FAM227A: variants seen among roughly 807,000 people sequenced by gnomAD.
FAM227A encodes protein FAM227A.
A neutral mutation model predicts 74.7 loss-of-function variants in FAM227A; 80 were observed. The observed-to-expected ratio is 1.07, with a 90% confidence interval of 0.89 to 1.29. The LOEUF is 1.29. Among genes scored for constraint, FAM227A ranks in the 50% most tolerant of loss-of-function variants. The probability of loss-of-function intolerance (pLI) is 0.00; values close to 1 mark genes in which losing one functional copy is unlikely to be tolerated. For synonymous variants in FAM227A, 237 were observed against 241.8 expected (o/e 0.98, Z 0.19); for missense variants, 654 against 683.4 (o/e 0.96, Z 0.48).
intron 6 of FAM227A, among the ~76,000 whole-genome samples, chr22:38,635,376 T>C (rs2091984580): frequency 6.6e-6 from 1 of 151,894 alleles, no homozygotes; most frequent in Admixed American, 6.6e-5. Context: ...GTGGGGTGAC[T>C]GGTTAGGAGC....
intron 2 of FAM227A, 71 bp from the exon 3 acceptor site, chr22:38,645,716 G>A: frequency 2.2e-6 from 2 of 918,812 alleles, no homozygotes; most frequent in Non-Finnish European, 3.4e-6. Context: ...CTTGTCTGGT[G>A]AGAAGGGCAG....
At chr22:38,636,412 G>C in intron 6 of FAM227A, 39 bp downstream of exon 6, 1 of 1,544,394 alleles carries the variant, frequency 6.5e-7, no homozygotes, top group South Asian at 1.2e-5. Context: ...TTTGCCCCAT[G>C]GGTTGGCAAA....
rs2090767173 is a variant in FAM227A at position 38,584,584 on chromosome 22, G to A, written c.*1541C>T. 1 of 152,188 alleles carries A rather than the reference G, an allele frequency of 6.6e-6. No homozygotes were observed. Among genetic ancestry groups the A allele is most frequent in the Non-Finnish European group, 1.5e-5 (1 of 68,114 alleles). The allele number at this position is 152,188 out of a possible 1,614,324, so 9.4% of individuals were successfully genotyped here. A position where few individuals can be genotyped will look rare whatever the true frequency, so the allele number is the denominator to read the frequency against. On this transcript the variant is annotated 3_prime_UTR_variant, in exon 17 of 17. Coordinates refer to ENST00000535113, the MANE Select transcript of FAM227A (RefSeq NM_001013647.2). ...GTTCGAGACCAGCCTGGGCAACACA[G>A]TGAGATCCCATCTCTACAAAAAAAT...
At chr22:38,630,705 C>CA (rs1021804025) in intron 6 of FAM227A, among the ~76,000 whole-genome samples, 11 of 152,296 alleles carry the variant, frequency 7.2e-5, no homozygotes, top group African/African-American at 2.4e-4. Context: ...TGAGCACCTC[C>CA]AGGTGCTCAA....
chr22:38,604,332 C>A (rs911372181), intron 13 of FAM227A, among the ~76,000 whole-genome samples: 4 of 151,994 alleles, frequency 2.6e-5, no homozygotes, highest in African/African-American at 9.7e-5. Context: ...CTCAAAAAAA[C>A]AAAAACAAAA....
chr22:38,645,008 G>C (rs924076823), intron 3 of FAM227A, among the ~76,000 whole-genome samples: 2 of 151,730 alleles, frequency 1.3e-5, no homozygotes, highest in Admixed American at 1.3e-4. Context: ...AAAATCACTT[G>C]AAAGGGAGGC....
intron 2 of FAM227A, 34 bp downstream of exon 2, chr22:38,649,993 G>T: frequency 1.3e-6 from 2 of 1,548,330 alleles, no homozygotes; most frequent in South Asian, 1.2e-5. Flanking sequence ...AGGTGTATTT[G>T]GTCTGATTGT....
rs1362396393 is a variant in FAM227A at position 38,605,270 on chromosome 22, T to G, written c.1205A>C (p.Asn402Thr). 2 of 1,547,012 alleles carry G rather than the reference T, an allele frequency of 1.3e-6. No individual in the cohort carries two copies. Among genetic ancestry groups the G allele is most frequent in the African/African-American group, 1.4e-5 (1 of 72,952 alleles). The change falls in exon 13 of 17, where the codon AAT becomes ACT. Residue 402 changes from asparagine to threonine, a missense_variant. Coordinates refer to ENST00000535113, the MANE Select transcript of FAM227A (RefSeq NM_001013647.2). ...KRISEARECE[N>T]MFPKKSCAAC... is the part of the protein sequence containing the mutation. ...TGTGCTCACCTTTTTAGGAAACATA[T>G]TCTCACATTCTCTTGCTTCTGATAT...
chr22:38,620,785 G>C (rs947075807), intron 10 of FAM227A, among the ~76,000 whole-genome samples: 7 of 151,804 alleles, frequency 4.6e-5, no homozygotes, highest in Non-Finnish European at 5.9e-5. Flanking sequence ...CTCCAGCCTG[G>C]GTGACATAAT....
At position 38,599,929 on chromosome 22, in the gene FAM227A, T is replaced by TGAAAGAAAAAG; in HGVS notation, c.1222-19_1222-9dup. ...TTTGCAGGCAGCACACGACTAAGGA[T>TGAAAGAAAAAG]GAAAGAAAAAGGAAAAATAAAGGAT... On this transcript the variant is annotated splice_polypyrimidine_tract_variant and intron_variant, in intron 13 of 16. Transcript: ENST00000535113. 6.5e-7 allele frequency: 1 copy of TGAAAGAAAAAG among 1,528,132 alleles called. No homozygotes were observed. Among genetic ancestry groups the TGAAAGAAAAAG allele is most frequent in the Non-Finnish European group, 8.8e-7 (1 of 1,138,282 alleles). The allele number at this position is 1,528,132 out of a possible 1,614,324, so 94.7% of individuals were successfully genotyped here.
At chr22:38,634,325 A>G (rs1263288938) in intron 6 of FAM227A, among the ~76,000 whole-genome samples, 1 of 152,148 alleles carries the variant, frequency 6.6e-6, no homozygotes, top group Admixed American at 6.6e-5. Flanking sequence ...CTCTTTATAA[A>G]CATTCACTTT....
chr22:38,602,268 G>A (rs745752921), intron 13 of FAM227A, among the ~76,000 whole-genome samples: 1 of 152,206 alleles, frequency 6.6e-6, no homozygotes, highest in Non-Finnish European at 1.5e-5. Context: ...ACTGTAGGAT[G>A]CTGAGGAGCA....
chr22:38,608,889 G>A (rs2091349799), intron 11 of FAM227A, among the ~76,000 whole-genome samples: 2 of 146,978 alleles, frequency 1.4e-5, no homozygotes, highest in Non-Finnish European at 3.0e-5. Flanking sequence ...TCCACCTCCC[G>A]GGTTCAAGTG....
At chr22:38,634,529 C>A (rs1045426223) in intron 6 of FAM227A, among the ~76,000 whole-genome samples, 1 of 152,208 alleles carries the variant, frequency 6.6e-6, no homozygotes, top group African/African-American at 2.4e-5. Context: ...TTCACAATAA[C>A]ACCTCAAGGT....
chr22:38,594,590 T>C (rs2091004145), intron 15 of FAM227A, among the ~76,000 whole-genome samples: 1 of 152,212 alleles, frequency 6.6e-6, no homozygotes, highest in Non-Finnish European at 1.5e-5. Flanking sequence ...CTGAACTGCA[T>C]TCCTGTGGTG....
At chr22:38,636,343 C>T (rs11089893) in intron 6 of FAM227A, 108 bp downstream of exon 6, 155,093 of 1,232,402 alleles carry the variant, frequency 0.13, 10,154 homozygotes, top group East Asian at 0.19. Flanking sequence ...CACCTGCAAG[C>T]CTGTGGCCCT....
At chr22:38,613,312 CAT>C (rs1435078532) in intron 11 of FAM227A, among the ~76,000 whole-genome samples, 5 of 56,542 alleles carry the variant, frequency 8.8e-5, no homozygotes, top group Non-Finnish European at 1.2e-4. Context: ...TAATATATAA[CAT>C]ATAATATATA....
At chr22:38,628,163 T>G (rs1331209025) in intron 8 of FAM227A, 75 bp downstream of exon 8, 5 of 893,458 alleles carry the variant, frequency 5.6e-6, no homozygotes, top group Non-Finnish European at 9.0e-6. Context: ...AAAGAATGTT[T>G]AAGACATTCT....
At chr22:38,650,324 T>G in intron 1 of FAM227A, 62 bp from the exon 2 acceptor site, 5 of 663,648 alleles carry the variant, frequency 7.5e-6, no homozygotes, top group Non-Finnish European at 7.6e-6. Context: ...CCCAACCATG[T>G]TCCCCAGCTA....
Sources: allele counts gnomAD v4.1 joint callset (sites outside exome capture counted in the v4.1 genomes callset), GRCh38; gene constraint gnomAD v4.1.1; transcripts MANE v1.5; gene names NCBI Gene and HGNC (gene_info 2026-07-23, HGNC 2026-07-21).